IL34: variants seen among roughly 807,000 people sequenced by gnomAD.
IL34 encodes interleukin 34, also known as interleukin-34.
A neutral mutation model predicts 25.3 loss-of-function variants in IL34; 17 were observed. The observed-to-expected ratio is 0.67, with a 90% CI of 0.46 to 1.01. The LOEUF (loss-of-function observed/expected upper bound fraction) is 1.01. Ranked by LOEUF, IL34 falls within the 50% of genes least tolerant of loss-of-function variation. IL34 has a pLI of 0.00. For synonymous variants in IL34, 174 were observed against 140.9 expected (o/e 1.23, Z -1.66); for missense variants, 368 against 312.9 (o/e 1.18, Z -1.33).
chr16:70,624,760 G>A (rs949866032), intron 1 of IL34, among the ~76,000 whole-genome samples: 14 of 152,052 alleles, frequency 9.2e-5, no homozygotes, highest in African/African-American at 3.4e-4. Flanking sequence ...GTGAGGAGGG[G>A]AGGTGATAAA....
chr16:70,621,597 C>T (rs2051283536), intron 1 of IL34, among the ~76,000 whole-genome samples: 1 of 152,070 alleles, frequency 6.6e-6, no homozygotes, highest in African/African-American at 2.4e-5. Flanking sequence ...CGATCCGAGT[C>T]ATGGCACCAA....
intron 1 of IL34, among the ~76,000 whole-genome samples, chr16:70,641,511 CCCTCCCTCCCTT>C (rs1396216668): frequency 7.1e-6 from 1 of 141,710 alleles, no homozygotes; most frequent in Non-Finnish European, 1.5e-5. Flanking sequence ...CTCCCTCTCT[CCCTCCCTCCCTT>C]CCTCCCTCCC....
At chr16:70,648,976 G>A (rs2052012403) in intron 1 of IL34, among the ~76,000 whole-genome samples, 1 of 152,102 alleles carries the variant, frequency 6.6e-6, no homozygotes, top group African/African-American at 2.4e-5. Context: ...CCCTTTGTGT[G>A]TCTCTATGTC....
chr16:70,646,637 C>T lies in IL34; in HGVS notation c.-311C>T. 1 of 396,870 alleles carries T rather than the reference C, an allele frequency of 2.5e-6. No homozygotes were observed. The highest frequency in any genetic ancestry group is 2.1e-5 in the African/African-American group (1 of 48,304). The allele number at this position is 396,870 out of a possible 1,614,324, so 24.6% of individuals were successfully genotyped here. A position where few individuals can be genotyped will look rare whatever the true frequency, so the allele number is the denominator to read the frequency against. Reference sequence around the variant, plus strand: ...TTCCGAGGGGCCTGCCAGGGACTCTCTCCTCCTGCTCCTTGGAAAGGAAGA... The same window carrying T: ...TTCCGAGGGGCCTGCCAGGGACTCTTTCCTCCTGCTCCTTGGAAAGGAAGA... On this transcript the variant is annotated 5_prime_UTR_variant, in exon 1 of 6. Coordinates refer to ENST00000288098, the MANE Select transcript of IL34 (RefSeq NM_001393494.1).
chr16:70,585,837 G>GT (rs71151194), intron 1 of IL34, among the ~76,000 whole-genome samples: 11,071 of 132,110 alleles, frequency 0.084, 657 homozygotes, highest in African/African-American at 0.16. Flanking sequence ...CAGCCTCCTT[G>GT]TTTTTTTTTT....
At chr16:70,587,995 C>T (rs940854259) in intron 1 of IL34, among the ~76,000 whole-genome samples, 5 of 152,112 alleles carry the variant, frequency 3.3e-5, no homozygotes, top group South Asian at 2.1e-4. Flanking sequence ...GCAGAGGTCG[C>T]GCCACTGCAC....
chr16:70,650,247 G>A (rs990638253), intron 1 of IL34, among the ~76,000 whole-genome samples: 6 of 152,146 alleles, frequency 3.9e-5, no homozygotes, highest in Non-Finnish European at 8.8e-5. Context: ...GTCCCTGCCT[G>A]GTCCCTGTTT....
At chr16:70,638,053 G>C (rs1240344765) in intron 1 of IL34, among the ~76,000 whole-genome samples, 2 of 152,154 alleles carry the variant, frequency 1.3e-5, no homozygotes, top group East Asian at 1.9e-4. Context: ...TTATTTTAGA[G>C]TATATTTCTG....
Position 70,660,082 on chromosome 16 carries a change from G to T in IL34, c.624G>T (p.Ala208=). Residue 208 remains alanine (A), a synonymous_variant, in exon 6 of 6, where the codon GCG becomes GCT. Coordinates refer to ENST00000288098, the MANE Select transcript of IL34 (RefSeq NM_001393494.1). ...SCSPEPSLQY[A]ATQLYPPPPW... Reference sequence around the variant, plus strand: ...GCCCAGAGCCCTCATTGCAGTATGCGGCCACCCAGCTGTACCCTCCGCCCC... The same window carrying T: ...GCCCAGAGCCCTCATTGCAGTATGCTGCCACCCAGCTGTACCCTCCGCCCC... 1.9e-6 allele frequency: 3 copies of T among 1,613,622 alleles called. No homozygotes were observed. The highest frequency in any genetic ancestry group is 2.5e-6 in the Non-Finnish European group (3 of 1,179,872).
chr16:70,591,753 C>A (rs1008196496), intron 1 of IL34, among the ~76,000 whole-genome samples: 1 of 152,102 alleles, frequency 6.6e-6, no homozygotes, highest in Non-Finnish European at 1.5e-5. Context: ...TGGTGACGTG[C>A]AGCTGATATT....
intron 1 of IL34, among the ~76,000 whole-genome samples, chr16:70,647,704 G>C (rs1186787839): frequency 6.6e-6 from 1 of 152,184 alleles, no homozygotes; most frequent in African/African-American, 2.4e-5. Context: ...TCCAACGCCT[G>C]GCACAGGGTT....
intron 1 of IL34, among the ~76,000 whole-genome samples, chr16:70,595,718 A>G (rs2050812459): frequency 1.3e-5 from 2 of 152,278 alleles, no homozygotes; most frequent in South Asian, 4.1e-4. Context: ...TTGGGCTGCC[A>G]TAAGAAAATC....
intron 1 of IL34, among the ~76,000 whole-genome samples, chr16:70,629,737 A>T (rs778429990): frequency 6.6e-6 from 1 of 151,950 alleles, no homozygotes; most frequent in East Asian, 1.9e-4. Context: ...TTGTGCGTAC[A>T]TAGTAGATAT....
intron 1 of IL34, among the ~76,000 whole-genome samples, chr16:70,641,497 TTCCCTCCCTCTC>T (rs1429509199): frequency 2.1e-5 from 3 of 143,152 alleles, no homozygotes; most frequent in South Asian, 2.2e-4. Flanking sequence ...AAAAAATTCT[TTCCCTCCCTCTC>T]TCCCTCCCTC....
At chr16:70,657,526 G>T (rs1567468562) in intron 4 of IL34, among the ~76,000 whole-genome samples, 1 of 152,138 alleles carries the variant, frequency 6.6e-6, no homozygotes, top group Non-Finnish European at 1.5e-5. Flanking sequence ...GGGCGCGGCG[G>T]CTCATGCCTG....
At chr16:70,602,101 T>C (rs1215735489) in intron 1 of IL34, among the ~76,000 whole-genome samples, 1 of 152,214 alleles carries the variant, frequency 6.6e-6, no homozygotes, top group Non-Finnish European at 1.5e-5. Flanking sequence ...GACTCTGAAG[T>C]TGCAGGACTC....
intron 1 of IL34, among the ~76,000 whole-genome samples, chr16:70,589,359 A>G (rs1444586783): frequency 6.6e-6 from 1 of 152,082 alleles, no homozygotes; most frequent in Admixed American, 6.6e-5. Flanking sequence ...CCAGTACCCA[A>G]TAGTTATCTT....
intron 1 of IL34, among the ~76,000 whole-genome samples, chr16:70,636,291 C>T (rs1401971873): frequency 1.3e-5 from 2 of 152,094 alleles, no homozygotes; most frequent in African/African-American, 4.8e-5. Context: ...CTGCCTCAGC[C>T]TCCCAAAGTG....
intron 1 of IL34, among the ~76,000 whole-genome samples, chr16:70,653,179 C>T (rs961211000): frequency 6.6e-6 from 1 of 151,864 alleles, no homozygotes; most frequent in African/African-American, 2.4e-5. Flanking sequence ...TGCCACTGTA[C>T]TCTAGCCTGG....
Sources: gnomAD v4.1 joint callset for allele counts (sites outside exome capture counted in the v4.1 genomes callset) on GRCh38, gnomAD v4.1.1 for gene constraint, MANE v1.5 for transcripts, NCBI Gene and HGNC (gene_info 2026-07-23, HGNC 2026-07-21) for gene names.